Variants in PCBP3 observed in about 807,000 individuals in gnomAD.
The protein encoded by PCBP3 is poly(rC) binding protein 3, also known as poly(rC)-binding protein 3.
Under a neutral mutation model 52.7 loss-of-function variants are expected in PCBP3, and 25 were observed. The observed-to-expected ratio is 0.47, with a 90% confidence interval of 0.35 to 0.66. The LOEUF (loss-of-function observed/expected upper bound fraction) is 0.66. Ranked by LOEUF, PCBP3 falls within the 30% of genes least tolerant of loss-of-function variation. PCBP3 has a pLI of 0.01. For missense variants in PCBP3, 391 were observed against 490.3 expected (o/e 0.80, Z 1.91); for synonymous variants, 162 against 183.0 (o/e 0.89, Z 0.93).
chr21:45,865,663 G>A (rs1043976171), intron 5 of PCBP3, among the ~76,000 whole-genome samples: 2 of 152,176 alleles, frequency 1.3e-5, no homozygotes, highest in African/African-American at 2.4e-5. Flanking sequence ...GGGCTGCTCG[G>A]TGGAGCTGGG....
chr21:45,922,502 C>G (rs535380605), intron 13 of PCBP3, among the ~76,000 whole-genome samples: 1 of 152,288 alleles, frequency 6.6e-6, no homozygotes, highest in Admixed American at 6.5e-5. Context: ...CTGTAGTGAG[C>G]AGAGATTGCA....
intron 1 of PCBP3, among the ~76,000 whole-genome samples, chr21:45,663,608 A>C (rs958619636): frequency 6.6e-6 from 1 of 152,132 alleles, no homozygotes; most frequent in Non-Finnish European, 1.5e-5. Flanking sequence ...ATGGCTATCC[A>C]GTTTTCCTAG....
chr21:45,700,379 C>T (rs1467776126), intron 2 of PCBP3, among the ~76,000 whole-genome samples: 1 of 152,150 alleles, frequency 6.6e-6, no homozygotes. Flanking sequence ...ACGCATTAAT[C>T]AGAATTCTCT....
At chr21:45,862,983 G>A (rs1379414256) in intron 5 of PCBP3, among the ~76,000 whole-genome samples, 7 of 152,186 alleles carry the variant, frequency 4.6e-5, no homozygotes, top group Admixed American at 1.3e-4. Context: ...TCTTGGCCCC[G>A]AGTGTCTGGG....
At chr21:45,653,300 T>C (rs2079806694) in intron 1 of PCBP3, among the ~76,000 whole-genome samples, 1 of 152,202 alleles carries the variant, frequency 6.6e-6, no homozygotes, top group Non-Finnish European at 1.5e-5. Context: ...TTTTTGGTTG[T>C]TATATTCATT....
chr21:45,667,759 T>A (rs956035758), intron 1 of PCBP3, among the ~76,000 whole-genome samples: 3 of 152,212 alleles, frequency 2.0e-5, no homozygotes, highest in Admixed American at 6.5e-5. Context: ...TTGAAAACTT[T>A]ATGTTTTAAA....
At chr21:45,747,568 C>G (rs1297286197) in intron 3 of PCBP3, among the ~76,000 whole-genome samples, 1 of 152,238 alleles carries the variant, frequency 6.6e-6, no homozygotes, top group Admixed American at 6.5e-5. Context: ...CACTATTTCA[C>G]TGTGGAAATG....
chr21:45,807,523 G>T (rs1335581732), intron 4 of PCBP3, among the ~76,000 whole-genome samples: 1 of 152,204 alleles, frequency 6.6e-6, no homozygotes, highest in Admixed American at 6.5e-5. Flanking sequence ...CACTGCTCAA[G>T]GAAATAAGAG....
rs541702934 is a variant in PCBP3, at chr21:45,884,640, A to G, written c.11-11568A>G. ...CAGTGACACGATCATGGCTCACTGC[A>G]GCCTCGACTAACCAGGCTCCAGCCG... On this transcript the variant is annotated intron_variant, in intron 5 of 17. Transcript: ENST00000681687. Among the ~76,000 whole-genome samples the G allele has an allele frequency of 6.6e-4, 101 of 152,238 alleles. 1 individual carries two copies. Among genetic ancestry groups the G allele is most frequent in the African/African-American group, 2.2e-3 (91 of 41,534 alleles).
chr21:45,911,984 C>T (rs1043797849), intron 11 of PCBP3, among the ~76,000 whole-genome samples: 1 of 152,232 alleles, frequency 6.6e-6, no homozygotes, highest in Non-Finnish European at 1.5e-5. Context: ...GGAGGCCCTG[C>T]GGGCCGAGGC....
intron 4 of PCBP3, among the ~76,000 whole-genome samples, chr21:45,787,043 C>G (rs1323215705): frequency 6.6e-6 from 1 of 152,186 alleles, no homozygotes; most frequent in Non-Finnish European, 1.5e-5. Flanking sequence ...GAGCCTGATC[C>G]TCATCTATAA....
At chr21:45,665,728 C>A (rs534169119) in intron 1 of PCBP3, among the ~76,000 whole-genome samples, 13 of 152,210 alleles carry the variant, frequency 8.5e-5, no homozygotes, top group African/African-American at 3.1e-4. Context: ...TGAAACTATT[C>A]CAAAAAATTG....
chr21:45,816,937 G>A (rs1265501985), intron 4 of PCBP3, among the ~76,000 whole-genome samples: 2 of 152,060 alleles, frequency 1.3e-5, no homozygotes, highest in East Asian at 3.9e-4. Context: ...ACAGGCGTGG[G>A]GGGAGCCAGC....
At chr21:45,683,704 A>T (rs933489586) in intron 2 of PCBP3, among the ~76,000 whole-genome samples, 3 of 152,118 alleles carry the variant, frequency 2.0e-5, no homozygotes, top group Non-Finnish European at 4.4e-5. Flanking sequence ...AGGCGGGCAG[A>T]TCACGAGGTC....
chr21:45,698,795 C>G (rs2082938300), intron 2 of PCBP3, among the ~76,000 whole-genome samples: 1 of 152,188 alleles, frequency 6.6e-6, no homozygotes, highest in African/African-American at 2.4e-5. Context: ...TGGCTTGGCC[C>G]TTCTTCATTT....
chr21:45,816,067 GAGTGAGTGGTGAGTGA>G lies in PCBP3; in HGVS notation c.-125-33893_-125-33878del, dbSNP rs1366086249. Among the ~76,000 whole-genome samples the G allele has an allele frequency of 2.3e-3, 233 of 99,862 alleles. 5 individuals are homozygous for G. Among genetic ancestry groups the G allele is most frequent in the South Asian group, 4.5e-3 (11 of 2,438 alleles). The allele number at this position is 99,862 out of a possible 152,430, so 65.5% of individuals were successfully genotyped here. On this transcript the variant is annotated intron_variant, in intron 4 of 17. Coordinates refer to ENST00000681687, the MANE Select transcript of PCBP3 (RefSeq NM_001384156.1). ...GAGTGGTGAGTGGTGAGTGAGTGAT[GAGTGAGTGGTGAGTGA>G]TGAGTGGTGAGTGGTGAGTGAGTGG...
chr21:45,749,209 A>G lies in PCBP3; in HGVS notation c.-161-6208A>G, dbSNP rs138116607. Among the ~76,000 whole-genome samples, 1,125 of 152,278 alleles carry G rather than the reference A, an allele frequency of 7.4e-3. 2 individuals are homozygous for G. Among genetic ancestry groups the G allele is most frequent in the Non-Finnish European group, 0.011 (750 of 68,038 alleles). On this transcript the variant is annotated intron_variant, in intron 3 of 17. Transcript: ENST00000681687. ...ATCCAGCCCATAGTTGCCCGTTTTC[A>G]GAACCTTCTCTCCTTCACTTTATTG...
chr21:45,796,780 A>T (rs984160441), intron 4 of PCBP3, among the ~76,000 whole-genome samples: 12 of 152,094 alleles, frequency 7.9e-5, no homozygotes, highest in Non-Finnish European at 1.5e-4. Context: ...TAAAGATGTT[A>T]TTTAGTTTCT....
At chr21:45,755,832 T>C (rs2087985644) in intron 4 of PCBP3, among the ~76,000 whole-genome samples, 1 of 152,222 alleles carries the variant, frequency 6.6e-6, no homozygotes, top group African/African-American at 2.4e-5. Context: ...TGAATACCAG[T>C]CATTTATCAG....
Sources: gnomAD v4.1 joint callset for allele counts (sites outside exome capture counted in the v4.1 genomes callset) on GRCh38, gnomAD v4.1.1 for gene constraint, MANE v1.5 for transcripts, NCBI Gene and HGNC (gene_info 2026-07-23, HGNC 2026-07-21) for gene names.